NEK10: variants seen among roughly 807,000 people sequenced by gnomAD.
The protein encoded by NEK10 is serine/threonine-protein kinase Nek10.
A neutral mutation model predicts 159.8 loss-of-function variants in NEK10; 122 were observed. The ratio of observed to expected loss-of-function variants is 0.76; its 90% CI spans 0.66 to 0.89. The LOEUF (loss-of-function observed/expected upper bound fraction) is 0.89, where lower values mean the gene tolerates loss of function less well. NEK10 is among the 40% of genes least tolerant of loss of function. The pLI is 0.00. For synonymous variants in NEK10, 466 were observed against 457.1 expected, an observed-to-expected ratio of 1.02 and a Z score of -0.25; for missense variants, 1,342 against 1,323.1, an observed-to-expected ratio of 1.01 and a Z score of -0.22.
At chr3:27,175,088 T>C (rs1331513900) in intron 26 of NEK10, among the ~76,000 whole-genome samples, 2 of 152,164 alleles carry the variant, frequency 1.3e-5, no homozygotes, top group Non-Finnish European at 2.9e-5. Flanking sequence ...AAAAGGCCCA[T>C]ATAACCCAGT....
At chr3:27,345,424 A>T (rs2047484396) in intron 4 of NEK10, among the ~76,000 whole-genome samples, 1 of 152,228 alleles carries the variant, frequency 6.6e-6, no homozygotes, top group Admixed American at 6.5e-5. Context: ...ATAAGATGAC[A>T]GGGAAACAAA....
intron 30 of NEK10, among the ~76,000 whole-genome samples, chr3:27,153,310 A>C (rs1304297489): frequency 2.1e-5 from 3 of 143,098 alleles, no homozygotes; most frequent in African/African-American, 5.3e-5. Context: ...ACAGAGCGAG[A>C]CTCCATCTCA....
At chr3:27,220,209 G>A (rs1346448182) in intron 23 of NEK10, among the ~76,000 whole-genome samples, 1 of 152,186 alleles carries the variant, frequency 6.6e-6, no homozygotes, top group Admixed American at 6.5e-5. Context: ...ACATCTTATA[G>A]TCCTGAATTG....
At chr3:27,244,316 A>T (rs920089515) in intron 23 of NEK10, among the ~76,000 whole-genome samples, 1 of 152,216 alleles carries the variant, frequency 6.6e-6, no homozygotes, top group Non-Finnish European at 1.5e-5. Flanking sequence ...AACATCCCCT[A>T]GCAGGGATGT....
chr3:27,274,900 G>C (rs543819938), intron 22 of NEK10, among the ~76,000 whole-genome samples: 1 of 152,136 alleles, frequency 6.6e-6, no homozygotes, highest in African/African-American at 2.4e-5. Flanking sequence ...AACTCACAGA[G>C]TGAAAACAAC....
chr3:27,291,731 C>T (rs1298233251), intron 16 of NEK10, 145 bp from the exon 17 acceptor site: 3 of 592,580 alleles, frequency 5.1e-6, no homozygotes, highest in African/African-American at 3.7e-5. Flanking sequence ...CAAGCTCTGC[C>T]TCCCACGTTC....
At chr3:27,177,395 A>T (rs1046127936) in intron 26 of NEK10, among the ~76,000 whole-genome samples, 2 of 151,962 alleles carry the variant, frequency 1.3e-5, no homozygotes, top group African/African-American at 2.4e-5. Context: ...ATACAAAAAA[A>T]TTAGCCGGGC....
intron 22 of NEK10, among the ~76,000 whole-genome samples, chr3:27,280,541 C>T (rs1160140233): frequency 3.9e-5 from 6 of 152,132 alleles, no homozygotes; most frequent in African/African-American, 1.4e-4. Context: ...CCTTGAGCCC[C>T]GTTTGTTGAC....
intron 3 of NEK10, 88 bp downstream of exon 3, chr3:27,352,377 A>G (rs1191095915): frequency 3.6e-6 from 3 of 838,016 alleles, no homozygotes; most frequent in South Asian, 1.4e-5. Context: ...AAAAGCAGAC[A>G]TATCATTCAT....
chr3:27,258,947 A>T (rs2040143549), intron 22 of NEK10, among the ~76,000 whole-genome samples: 1 of 152,030 alleles, frequency 6.6e-6, no homozygotes, highest in African/African-American at 2.4e-5. Context: ...TGTGGTTTTG[A>T]TTTGCATTTC....
intron 23 of NEK10, among the ~76,000 whole-genome samples, chr3:27,202,763 T>C (rs755507556): frequency 2.5e-4 from 38 of 152,218 alleles, no homozygotes; most frequent in Admixed American, 2.4e-3. Context: ...GCTTAAGCAC[T>C]AAATACCAGT....
At chr3:27,300,642 G>A (rs1038675505) in intron 13 of NEK10, among the ~76,000 whole-genome samples, 1 of 152,082 alleles carries the variant, frequency 6.6e-6, no homozygotes, top group Non-Finnish European at 1.5e-5. Flanking sequence ...CCCCTTCTCA[G>A]GCACTCACTC....
At chr3:27,183,396 C>CA (rs35114572) in intron 26 of NEK10, among the ~76,000 whole-genome samples, 33,733 of 137,296 alleles carry the variant, frequency 0.25, 4,067 homozygotes, top group Middle Eastern at 0.38. Flanking sequence ...CCCAAATGAC[C>CA]AAAAAAAAAA....
intron 23 of NEK10, among the ~76,000 whole-genome samples, chr3:27,241,795 T>C (rs1357644436): frequency 6.6e-6 from 1 of 152,212 alleles, no homozygotes; most frequent in Non-Finnish European, 1.5e-5. Flanking sequence ...TAGGGGACTT[T>C]ATTGATAGGC....
chr3:27,307,754 C>CAT, intron 11 of NEK10, 105 bp downstream of exon 11: 1 of 684,278 alleles, frequency 1.5e-6, no homozygotes, highest in Non-Finnish European at 2.6e-6. Flanking sequence ...GCTGACTCAT[C>CAT]ATATTCAGTT....
intron 33 of NEK10, among the ~76,000 whole-genome samples, chr3:27,117,494 T>C (rs921234243): frequency 6.6e-6 from 1 of 152,180 alleles, no homozygotes; most frequent in African/African-American, 2.4e-5. Flanking sequence ...CATCTGTTGT[T>C]TCTTGACATT....
Position 27,352,788 on chromosome 3 carries a change from A to G in NEK10, c.71+24T>C. On this transcript the variant is annotated intron_variant, in intron 2 of 35. Coordinates refer to ENST00000691995, the MANE Select transcript of NEK10 (RefSeq NM_001394966.1). Reference sequence around the variant, plus strand: ...ATGGCCACTGCCTGAGTTAACAATTAGCAAACACTCAGTAGGGAGTTACCT... The same window carrying G: ...ATGGCCACTGCCTGAGTTAACAATTGGCAAACACTCAGTAGGGAGTTACCT... 3 of 1,545,032 alleles carry G rather than the reference A, an allele frequency of 1.9e-6. No homozygotes were observed. The African/African-American group carries it at 4.1e-5, about 21-fold the overall frequency.
intron 30 of NEK10, among the ~76,000 whole-genome samples, chr3:27,150,573 G>A (rs990862830): frequency 6.6e-6 from 1 of 152,116 alleles, no homozygotes; most frequent in African/African-American, 2.4e-5. Flanking sequence ...GAGATCTACT[G>A]CCCTGAAATA....
intron 5 of NEK10, among the ~76,000 whole-genome samples, chr3:27,326,557 C>T (rs965960729): frequency 6.6e-6 from 1 of 151,600 alleles, no homozygotes; most frequent in South Asian, 2.1e-4. Context: ...TCCTTCCCAC[C>T]TCCCAGGAAA....
Sources: gnomAD v4.1 joint callset for allele counts (sites outside exome capture counted in the v4.1 genomes callset) on GRCh38, gnomAD v4.1.1 for gene constraint, MANE v1.5 for transcripts, NCBI Gene and HGNC (gene_info 2026-07-23, HGNC 2026-07-21) for gene names.